The following SLC25A21 variants were observed in gnomAD, a reference collection of about 807,000 sequenced individuals.
SLC25A21 encodes the protein mitochondrial 2-oxodicarboxylate carrier.
Under a neutral mutation model 43.8 loss-of-function variants are expected in SLC25A21, and 47 were observed. The ratio of observed to expected loss-of-function variants is 1.07; its 90% CI spans 0.85 to 1.37. The LOEUF (loss-of-function observed/expected upper bound fraction) is 1.37. Among genes scored for constraint, SLC25A21 ranks in the 40% most tolerant of loss-of-function variants. The pLI is 0.00. For missense variants in SLC25A21, 352 were observed against 350.2 expected (o/e 1.00, Z -0.04); for synonymous variants, 131 against 121.3 (o/e 1.08, Z -0.52).
intron 1 of SLC25A21, among the ~76,000 whole-genome samples, chr14:37,011,021 G>T (rs945563088): frequency 6.6e-6 from 1 of 152,156 alleles, no homozygotes; most frequent in Admixed American, 6.5e-5. Flanking sequence ...TGAGTAGCTG[G>T]AACTACAGGT....
chr14:36,842,108 A>G (rs1267923532), intron 2 of SLC25A21, among the ~76,000 whole-genome samples: 1 of 152,096 alleles, frequency 6.6e-6, no homozygotes, highest in Non-Finnish European at 1.5e-5. Flanking sequence ...GATGTGTCCT[A>G]TTTGTTTATG....
At position 36,878,399 on chromosome 14, in the gene SLC25A21, T is replaced by C. The variant is rs572485977; in HGVS notation, c.71-3395A>G. On this transcript the variant is annotated intron_variant, in intron 1 of 9. Transcript: ENST00000331299. Reference sequence around the variant, plus strand: ...GCATTACAGGCAGAGAGAACAGAAATGTTGGAAATTATATGGAAGCTGTGA... The same window carrying C: ...GCATTACAGGCAGAGAGAACAGAAACGTTGGAAATTATATGGAAGCTGTGA... Among the ~76,000 whole-genome samples the C allele has an allele frequency of 3.2e-4, 49 of 152,292 alleles. No individual in the cohort carries two copies. The South Asian group carries it at 1.0e-2, about 31-fold the overall frequency.
intron 1 of SLC25A21, among the ~76,000 whole-genome samples, chr14:36,923,910 C>T (rs192080014): frequency 6.8e-4 from 104 of 152,188 alleles, no homozygotes; most frequent in African/African-American, 2.4e-3. Flanking sequence ...ATGCAGCCAA[C>T]AGACACATGA....
chr14:36,713,078 AC>A (rs1212994729), intron 6 of SLC25A21, among the ~76,000 whole-genome samples: 2 of 152,078 alleles, frequency 1.3e-5, no homozygotes, highest in East Asian at 3.9e-4. Context: ...CCTGACTAAC[AC>A]AGGTTCTCCC....
intron 1 of SLC25A21, among the ~76,000 whole-genome samples, chr14:36,980,396 A>G (rs892356035): frequency 6.6e-5 from 10 of 152,106 alleles, no homozygotes; most frequent in Non-Finnish European, 1.3e-4. Context: ...TCAGATGTAG[A>G]TTTGGTCTTT....
intron 3 of SLC25A21, among the ~76,000 whole-genome samples, chr14:36,740,805 C>A (rs1474231283): frequency 1.3e-5 from 2 of 152,098 alleles, no homozygotes. Context: ...TCAAAGATGC[C>A]TTCTTATTGT....
At chr14:36,703,366 A>T (rs1883363886) in intron 7 of SLC25A21, among the ~76,000 whole-genome samples, 2 of 152,228 alleles carry the variant, frequency 1.3e-5, no homozygotes, top group South Asian at 4.1e-4. Context: ...TGGGTCTGGC[A>T]CCACCCTCAG....
chr14:37,020,742 T>C (rs1341400878), intron 1 of SLC25A21, among the ~76,000 whole-genome samples: 2 of 151,870 alleles, frequency 1.3e-5, no homozygotes, highest in Non-Finnish European at 2.9e-5. Flanking sequence ...AGATGGTGGT[T>C]TTGAAAAAGG....
chr14:37,113,331 T>C (rs552737912), intron 1 of SLC25A21, among the ~76,000 whole-genome samples: 1 of 152,330 alleles, frequency 6.6e-6, no homozygotes, highest in Non-Finnish European at 1.5e-5. Context: ...ATAGGAAATA[T>C]TTCTAGCCTC....
chr14:37,099,399 T>C (rs1018753366), intron 1 of SLC25A21, among the ~76,000 whole-genome samples: 4 of 152,168 alleles, frequency 2.6e-5, no homozygotes, highest in Admixed American at 6.5e-5. Context: ...TCTGAGTAAT[T>C]TGTACTTAAC....
At chr14:36,805,460 C>T (rs848090) in intron 3 of SLC25A21, among the ~76,000 whole-genome samples, 25,131 of 152,072 alleles carry the variant, frequency 0.17, 2,304 homozygotes, top group Middle Eastern at 0.25. Context: ...TGGGATGCCG[C>T]CCTCTGAGCA....
chr14:37,145,214 G>A (rs182005976), intron 1 of SLC25A21, among the ~76,000 whole-genome samples: 26 of 152,110 alleles, frequency 1.7e-4, no homozygotes, highest in South Asian at 1.5e-3. Flanking sequence ...TCTGGTATCA[G>A]GCATTAAGAC....
At chr14:36,786,929 C>G (rs1172702280) in intron 3 of SLC25A21, among the ~76,000 whole-genome samples, 1 of 152,156 alleles carries the variant, frequency 6.6e-6, no homozygotes, top group African/African-American at 2.4e-5. Context: ...GGCCCCTCAC[C>G]TCTCTGGCAA....
intron 1 of SLC25A21, among the ~76,000 whole-genome samples, chr14:37,108,878 T>C (rs956045187): frequency 1.3e-5 from 2 of 152,042 alleles, no homozygotes; most frequent in Non-Finnish European, 2.9e-5. Flanking sequence ...TTCCTCAGTT[T>C]TCAATTTTCT....
chr14:37,081,976 T>C (rs76852799), intron 1 of SLC25A21, among the ~76,000 whole-genome samples: 4,758 of 152,208 alleles, frequency 0.031, 94 homozygotes, highest in African/African-American at 0.035. Flanking sequence ...TGATCACCTA[T>C]AGAAGTACCC....
intron 1 of SLC25A21, among the ~76,000 whole-genome samples, chr14:37,012,457 T>A (rs1416052755): frequency 6.6e-6 from 1 of 152,160 alleles, no homozygotes; most frequent in Non-Finnish European, 1.5e-5. Context: ...AGAAGCTGAA[T>A]TGTATGTCTG....
chr14:36,935,299 T>A lies in SLC25A21; in HGVS notation c.71-60295A>T, dbSNP rs568150264. Among the ~76,000 whole-genome samples, 13 of 152,226 alleles carry A rather than the reference T, an allele frequency of 8.5e-5. No individual in the cohort carries two copies. In the South Asian group the frequency reaches 2.7e-3, roughly 32 times the overall value. ...ACCCATATCTTTCCATCTCAACTTATCCTGGAATGGAACAAGCTGTGACCA... is the reference window on the plus strand; with the variant it reads ...ACCCATATCTTTCCATCTCAACTTAACCTGGAATGGAACAAGCTGTGACCA... On this transcript the variant is annotated intron_variant, in intron 1 of 9. Transcript: ENST00000331299.
At chr14:36,968,033 C>A (rs543437339) in intron 1 of SLC25A21, among the ~76,000 whole-genome samples, 1 of 152,226 alleles carries the variant, frequency 6.6e-6, no homozygotes, top group South Asian at 2.1e-4. Context: ...AAGAGAGCAG[C>A]AGTTAAGAAA....
Position 36,684,872 on chromosome 14 carries a change from T to C in SLC25A21, c.657A>G (p.Thr219=), listed in dbSNP as rs1882463693. ...RKFGIGLLSG[T]IASVINIPFD... is the part of the protein sequence containing the mutation. ...AAGGGATGTTAATGACTGAGGCTAT[T>C]GTCCCCGAGAGAAGACCAATCCCAA... The change falls in exon 8 of 10, where the codon ACA becomes ACG. Residue 219 remains threonine (T), a synonymous_variant. Transcript: ENST00000331299. 6.2e-7 allele frequency: 1 copy of C among 1,613,604 alleles called. No individual in the cohort carries two copies. Among genetic ancestry groups the C allele is most frequent in the Admixed American group, 1.7e-5 (1 of 59,852 alleles).
Sources: gnomAD v4.1 joint callset for allele counts (sites outside exome capture counted in the v4.1 genomes callset) on GRCh38, gnomAD v4.1.1 for gene constraint, MANE v1.5 for transcripts, NCBI Gene and HGNC (gene_info 2026-07-23, HGNC 2026-07-21) for gene names.